PDK3: variants seen among roughly 807,000 people sequenced by gnomAD.
The protein encoded by PDK3 is pyruvate dehydrogenase kinase 3, also known as pyruvate dehydrogenase kinase, isozyme 3.
PDK3 carries 12 observed loss-of-function variants against 32.0 expected under a neutral mutation model. That is an observed-to-expected ratio of 0.37 (90% CI 0.24 to 0.61). The LOEUF is 0.61. Ranked by LOEUF, PDK3 falls within the 20% of genes least tolerant of loss-of-function variation. The pLI, the probability that PDK3 is intolerant of heterozygous loss-of-function variation, is 0.65. For synonymous variants in PDK3, 122 were observed against 116.3 expected (o/e 1.05, Z -0.31); for missense variants, 188 against 316.9 (o/e 0.59, Z 3.09).
intron 6 of PDK3, 135 bp downstream of exon 6, chrX:24,519,145 G>A (rs925495259): frequency 1.6e-5 from 7 of 431,403 alleles, no homozygotes; most frequent in African/African-American, 7.5e-5. Context: ...AACTTTCTAC[G>A]CTTTTGGTCA....
chrX:24,488,123 AG>A (rs1285482915), intron 1 of PDK3, among the ~76,000 whole-genome samples: 1 of 110,657 alleles, frequency 9.0e-6, no homozygotes, highest in Non-Finnish European at 1.9e-5. Flanking sequence ...AAACGAAGCC[AG>A]GGTTATCAGC....
At chrX:24,481,559 T>A (rs7054059) in intron 1 of PDK3, among the ~76,000 whole-genome samples, 2 of 110,506 alleles carry the variant, frequency 1.8e-5, no homozygotes, top group Non-Finnish European at 3.8e-5. Flanking sequence ...GAGTTATGAT[T>A]TTCAGTGTTG....
chrX:24,529,771 AAAAAG>A (rs1201896105), intron 9 of PDK3, among the ~76,000 whole-genome samples: 4 of 111,061 alleles, frequency 3.6e-5, no homozygotes, highest in Non-Finnish European at 7.6e-5. Flanking sequence ...AAAAAAAAAA[AAAAAG>A]AAAAGAAAAA....
At chrX:24,473,426 A>AATTTATTT (rs200252366) in intron 1 of PDK3, among the ~76,000 whole-genome samples, 6,306 of 105,086 alleles carry the variant, frequency 0.06, 345 homozygotes, top group South Asian at 0.2. Flanking sequence ...ACATTTGTTG[A>AATTTATTT]ATTTATTTAT....
At chrX:24,539,057 C>G, downstream of PDK3, 3 of 614,621 alleles carry the variant, frequency 4.9e-6, no homozygotes, top group Non-Finnish European at 7.9e-6. Context: ...TAATGAAATA[C>G]TCTAAAAGTC....
chrX:24,538,516 C>T (rs1409127891), downstream of PDK3, among the ~76,000 whole-genome samples: 1 of 112,244 alleles, frequency 8.9e-6, no homozygotes, highest in African/African-American at 3.2e-5. Flanking sequence ...CAGTAGCTCA[C>T]GCCTGTAATC....
chrX:24,543,554 A>G (rs761848400), exon 12 of PDK3, among the ~76,000 whole-genome samples: 3 of 110,886 alleles, frequency 2.7e-5, no homozygotes, highest in Non-Finnish European at 5.7e-5. Flanking sequence ...GGTTCAAGCA[A>G]TTCTTCTGCC....
chrX:24,520,869 T>C, intron 6 of PDK3, among the ~76,000 whole-genome samples: 2 of 111,785 alleles, frequency 1.8e-5, no homozygotes, highest in Middle Eastern at 4.6e-3. Context: ...TATAATGAGC[T>C]ATGAAAGAGT....
chrX:24,505,047 C>T (rs1315336324), intron 4 of PDK3, among the ~76,000 whole-genome samples, 162 bp from the exon 5 acceptor site: 1 of 112,162 alleles, frequency 8.9e-6, no homozygotes, highest in Non-Finnish European at 1.9e-5. Flanking sequence ...GAGTTGTTCA[C>T]CCATCAATTG....
intron 1 of PDK3, among the ~76,000 whole-genome samples, chrX:24,479,629 A>G (rs1486681144): frequency 9.1e-6 from 1 of 109,433 alleles, no homozygotes; most frequent in Non-Finnish European, 1.9e-5. Context: ...AATAAAATAC[A>G]AAAAAAAATT....
chrX:24,515,510 A>G (rs920535281), intron 5 of PDK3, among the ~76,000 whole-genome samples: 2 of 112,318 alleles, frequency 1.8e-5, no homozygotes, highest in South Asian at 7.3e-4. Flanking sequence ...CTGTTTAAAC[A>G]TCTTTATTAC....
intron 5 of PDK3, among the ~76,000 whole-genome samples, chrX:24,517,518 C>T (rs1195260746): frequency 2.7e-5 from 3 of 111,506 alleles, no homozygotes; most frequent in Non-Finnish European, 5.7e-5. Flanking sequence ...CCACTGCACC[C>T]GGCTCAAGGA....
exon 12 of PDK3, among the ~76,000 whole-genome samples, chrX:24,543,203 T>C (rs1447641699): frequency 8.9e-6 from 1 of 112,367 alleles, no homozygotes; most frequent in African/African-American, 3.2e-5. Flanking sequence ...CTGCGTTTTG[T>C]ATCAGTTTAG....
exon 12 of PDK3, chrX:24,546,559 T>A: frequency 9.3e-6 from 1 of 107,926 alleles, no homozygotes; most frequent in Non-Finnish European, 1.9e-5. Flanking sequence ...GAGAAACCTC[T>A]GTTTCTATCT....
chrX:24,516,182 T>A (rs1282710643), intron 5 of PDK3, among the ~76,000 whole-genome samples: 3 of 111,706 alleles, frequency 2.7e-5, no homozygotes, highest in African/African-American at 9.8e-5. Context: ...TCCTTCCTTC[T>A]TTCTCTCACC....
At chrX:24,535,835 C>T (rs866768837), downstream of PDK3, among the ~76,000 whole-genome samples, 77 of 107,690 alleles carry the variant, frequency 7.2e-4, no homozygotes, top group African/African-American at 2.6e-3. Flanking sequence ...CAGGCGTGGG[C>T]CACCATGCCT....
At chrX:24,468,702 A>T (rs193265243) in intron 1 of PDK3, among the ~76,000 whole-genome samples, 179 of 112,517 alleles carry the variant, frequency 1.6e-3, no homozygotes, top group African/African-American at 5.6e-3. Context: ...TATGCTTTTT[A>T]AAATAATGAA....
downstream of PDK3, among the ~76,000 whole-genome samples, chrX:24,538,875 C>T (rs780268716): frequency 6.3e-5 from 7 of 111,895 alleles, no homozygotes; most frequent in South Asian, 2.2e-3. Flanking sequence ...TTCATCACCC[C>T]AAAAAGAAAC....
intron 1 of PDK3, among the ~76,000 whole-genome samples, chrX:24,476,084 A>G (rs1206428248): frequency 9.0e-6 from 1 of 111,358 alleles, no homozygotes; most frequent in African/African-American, 3.3e-5. Flanking sequence ...TTTTACTTCC[A>G]TGGTAATCTG....
Sources: allele counts gnomAD v4.1 joint callset (sites outside exome capture counted in the v4.1 genomes callset), GRCh38; gene constraint gnomAD v4.1.1; transcripts MANE v1.5; gene names NCBI Gene and HGNC (gene_info 2026-07-23, HGNC 2026-07-21).